Variants in SUGCT observed in about 807,000 individuals in gnomAD.
The protein encoded by SUGCT is succinyl-CoA:glutarate-CoA transferase.
SUGCT carries 41 observed loss-of-function variants against 55.0 expected under a neutral mutation model. The ratio of observed to expected loss-of-function variants is 0.74; its 90% CI spans 0.58 to 0.97. The LOEUF (loss-of-function observed/expected upper bound fraction) is 0.97, where lower values mean the gene tolerates loss of function less well. SUGCT is among the 50% of genes least tolerant of loss of function. The pLI is 0.00. For missense variants in SUGCT, 568 were observed against 547.8 expected, an observed-to-expected ratio of 1.04 and a Z score of -0.37; for synonymous variants, 187 against 200.4, an observed-to-expected ratio of 0.93 and a Z score of 0.56.
rs1031416807 is a variant in SUGCT at position 40,276,595 on chromosome 7, G to A, written c.720+1939G>A. Reference sequence around the variant, plus strand: ...TTTACTCTAATGTATAAAGAGTATTGTATTATTTAGATGAGTATCATAGAG... The same window carrying A: ...TTTACTCTAATGTATAAAGAGTATTATATTATTTAGATGAGTATCATAGAG... On this transcript the variant is annotated intron_variant, in intron 8 of 13. Coordinates refer to ENST00000335693, the MANE Select transcript of SUGCT (RefSeq NM_001193313.2). 5.3e-5 allele frequency among the ~76,000 whole-genome samples: 8 copies of A among 152,270 alleles called. No individual in the cohort carries two copies. The East Asian group carries it at 1.5e-3, about 29-fold the overall frequency.
intron 9 of SUGCT, among the ~76,000 whole-genome samples, chr7:40,431,188 A>G (rs1787879655): frequency 6.6e-6 from 1 of 151,170 alleles, no homozygotes; most frequent in Non-Finnish European, 1.5e-5. Flanking sequence ...TATTGAAGAG[A>G]CTATCCTTTC....
chr7:40,156,859 T>C (rs905970741), intron 1 of SUGCT, among the ~76,000 whole-genome samples: 3 of 151,850 alleles, frequency 2.0e-5, no homozygotes, highest in Non-Finnish European at 4.4e-5. Context: ...CTACTAAAAA[T>C]ACAGAAATTA....
At chr7:40,318,609 G>A (rs866566641) in intron 9 of SUGCT, among the ~76,000 whole-genome samples, 4 of 152,142 alleles carry the variant, frequency 2.6e-5, no homozygotes, top group African/African-American at 9.7e-5. Flanking sequence ...GCTAATTTTT[G>A]TATTTTTAGT....
At chr7:40,949,741 GT>G in the SUGCT span, among the ~76,000 whole-genome samples, 1 of 152,068 alleles carries the variant, frequency 6.6e-6, no homozygotes, top group Non-Finnish European at 1.5e-5. Flanking sequence ...TTTTTGTCAG[GT>G]TTGTCAAAGA....
intron 9 of SUGCT, among the ~76,000 whole-genome samples, chr7:40,393,091 C>T (rs1442937956): frequency 6.6e-6 from 1 of 152,082 alleles, no homozygotes. Flanking sequence ...GGGGTGGAAA[C>T]AGTTGAGGAA....
intron 12 of SUGCT, among the ~76,000 whole-genome samples, chr7:40,585,882 C>T (rs1040846676): frequency 2.6e-5 from 4 of 151,928 alleles, no homozygotes; most frequent in East Asian, 3.9e-4. Context: ...GGTTTTGTCA[C>T]GTTGCCCAGG....
chr7:40,250,015 G>C (rs994298829), intron 7 of SUGCT, among the ~76,000 whole-genome samples: 1 of 152,094 alleles, frequency 6.6e-6, no homozygotes, highest in Admixed American at 6.5e-5. Flanking sequence ...TCGAACTCCT[G>C]ACCTCAGGTG....
intron 6 of SUGCT, among the ~76,000 whole-genome samples, chr7:40,225,531 G>A (rs1788289075): frequency 6.6e-6 from 1 of 151,540 alleles, no homozygotes; most frequent in Non-Finnish European, 1.5e-5. Flanking sequence ...CTGCCTGCCG[G>A]GTATAAGCGA....
At chr7:40,738,740 A>G (rs1787309612) in intron 12 of SUGCT, among the ~76,000 whole-genome samples, 1 of 152,220 alleles carries the variant, frequency 6.6e-6, no homozygotes, top group Non-Finnish European at 1.5e-5. Flanking sequence ...GAGAAAAATT[A>G]TATGATCCTC....
At chr7:40,819,466 G>A (rs1279707002) in intron 13 of SUGCT, among the ~76,000 whole-genome samples, 1 of 152,116 alleles carries the variant, frequency 6.6e-6, no homozygotes, top group Non-Finnish European at 1.5e-5. Flanking sequence ...GGTGTGAGAT[G>A]GTATCTCATT....
At chr7:40,914,016 A>G in the SUGCT span, among the ~76,000 whole-genome samples, 1 of 152,202 alleles carries the variant, frequency 6.6e-6, no homozygotes, top group Admixed American at 6.5e-5. Flanking sequence ...ATGGCATTTG[A>G]CAATGAGACT....
At chr7:40,819,077 A>G (rs1256296486) in intron 13 of SUGCT, among the ~76,000 whole-genome samples, 2 of 151,928 alleles carry the variant, frequency 1.3e-5, no homozygotes, top group South Asian at 2.1e-4. Flanking sequence ...GTCCCTACAA[A>G]GGACATGAAA....
chr7:40,466,540 T>G (rs1403219015), intron 11 of SUGCT, among the ~76,000 whole-genome samples: 1 of 152,200 alleles, frequency 6.6e-6, no homozygotes, highest in Admixed American at 6.5e-5. Flanking sequence ...TCTTCCTCCT[T>G]GACAAGACAG....
chr7:40,331,111 T>G (rs1796287916), intron 9 of SUGCT, among the ~76,000 whole-genome samples: 1 of 151,930 alleles, frequency 6.6e-6, no homozygotes, highest in Admixed American at 6.6e-5. Flanking sequence ...TGTAAGAAAA[T>G]TCATGAATTT....
At chr7:40,704,076 C>T (rs1035690723) in intron 12 of SUGCT, among the ~76,000 whole-genome samples, 8 of 152,156 alleles carry the variant, frequency 5.3e-5, no homozygotes, top group Admixed American at 1.3e-4. Flanking sequence ...CCAAAAGCTC[C>T]CTCTAGAGCC....
At chr7:40,764,520 C>CA (rs893298774) in intron 13 of SUGCT, among the ~76,000 whole-genome samples, 18 of 150,456 alleles carry the variant, frequency 1.2e-4, no homozygotes, top group East Asian at 9.7e-4. Flanking sequence ...TTCTTTTCTT[C>CA]AAAAAAAATA....
At chr7:40,198,992 C>T (rs1202872945) in intron 6 of SUGCT, among the ~76,000 whole-genome samples, 6 of 130,196 alleles carry the variant, frequency 4.6e-5, no homozygotes, top group Admixed American at 3.9e-4. Context: ...GACTCCACCT[C>T]AAAAAAAAAA....
chr7:40,605,925 G>A (rs1798510772), intron 12 of SUGCT, among the ~76,000 whole-genome samples: 1 of 152,158 alleles, frequency 6.6e-6, no homozygotes, highest in African/African-American at 2.4e-5. Context: ...CTTGGTGAGA[G>A]GTGGGCTAGA....
Position 40,469,531 on chromosome 7 carries a change from G to T in SUGCT, c.986+10333G>T, listed in dbSNP as rs1279094497. On this transcript the variant is annotated intron_variant, in intron 11 of 13. Transcript: ENST00000335693. The stretch of plus-strand genomic sequence containing the variant: ...TATAAAATCAGCCCGGAGGGTAAAA[G>T]AAAGAAAGAAACACAGCTCTGGAAA... Among the ~76,000 whole-genome samples the T allele has an allele frequency of 2.0e-5, 3 of 152,176 alleles. No homozygotes were observed. The East Asian group carries it at 5.8e-4, about 29-fold the overall frequency.
Sources: gnomAD v4.1 joint callset for allele counts (sites outside exome capture counted in the v4.1 genomes callset) on GRCh38, gnomAD v4.1.1 for gene constraint, MANE v1.5 for transcripts, NCBI Gene and HGNC (gene_info 2026-07-23, HGNC 2026-07-21) for gene names.